The following DOCK10 variants were observed in gnomAD, a reference collection of about 807,000 sequenced individuals.
The protein encoded by DOCK10 is dedicator of cytokinesis 10.
A neutral mutation model predicts 280.1 loss-of-function variants in DOCK10; 145 were observed. That is an observed-to-expected ratio of 0.52 (90% confidence interval 0.45 to 0.59). DOCK10 has a LOEUF of 0.59. Ranked by LOEUF, DOCK10 falls within the 20% of genes least tolerant of loss-of-function variation. The probability of loss-of-function intolerance (pLI) is 0.00; values close to 1 mark genes in which losing one functional copy is unlikely to be tolerated. For missense variants in DOCK10, 2,368 were observed against 2,651.7 expected (o/e 0.89, Z 2.35); for synonymous variants, 915 against 942.2 (o/e 0.97, Z 0.53).
At chr2:224,967,057 G>A (rs1704791171) in intron 1 of DOCK10, among the ~76,000 whole-genome samples, 1 of 151,504 alleles carries the variant, frequency 6.6e-6, no homozygotes, top group African/African-American at 2.4e-5. Flanking sequence ...GGACCAAATG[G>A]ATAAAGTTCA....
chr2:224,863,003 T>A (rs1354163183), intron 13 of DOCK10, among the ~76,000 whole-genome samples: 1 of 152,218 alleles, frequency 6.6e-6, no homozygotes, highest in African/African-American at 2.4e-5. Flanking sequence ...ATCAACTTTT[T>A]TCCTTTTTTT....
intron 1 of DOCK10, among the ~76,000 whole-genome samples, chr2:224,956,098 A>G (rs766684515): frequency 6.6e-6 from 1 of 152,254 alleles, no homozygotes; most frequent in Non-Finnish European, 1.5e-5. Context: ...AAAACAAAGG[A>G]GAACATTGTG....
intron 3 of DOCK10, among the ~76,000 whole-genome samples, chr2:224,902,771 G>T (rs919542943): frequency 6.6e-6 from 1 of 151,486 alleles, no homozygotes; most frequent in African/African-American, 2.4e-5. Flanking sequence ...ATTAGTTTCT[G>T]CAGTATACAA....
chr2:224,960,394 A>G (rs1380192071), intron 1 of DOCK10, among the ~76,000 whole-genome samples: 1 of 152,194 alleles, frequency 6.6e-6, no homozygotes. Context: ...ACATTGTGCT[A>G]AGTATTCAGG....
chr2:224,950,951 C>G (rs911976777), intron 1 of DOCK10, among the ~76,000 whole-genome samples: 3 of 152,130 alleles, frequency 2.0e-5, no homozygotes, highest in Non-Finnish European at 4.4e-5. Context: ...ATGTCCTGGA[C>G]AGGTGAGGTT....
chr2:224,960,888 C>T lies in DOCK10; in HGVS notation c.124-29220G>A, dbSNP rs181182101. ...CCGTGTAGCTGGGACTACAGGCGCG[C>T]GCCACCGCGCCCGGCTAATTTTTGT... On this transcript the variant is annotated intron_variant, in intron 1 of 55. Coordinates refer to ENST00000258390, the MANE Select transcript of DOCK10 (RefSeq NM_014689.3). Among the ~76,000 whole-genome samples the T allele has an allele frequency of 4.1e-3, 619 of 151,796 alleles. 2 individuals are homozygous for T. The highest frequency in any genetic ancestry group is 5.9e-3 in the Non-Finnish European group (401 of 67,880).
At chr2:224,768,818 G>T (rs2124931443) in intron 55 of DOCK10, 1 of 445,746 alleles carries the variant, frequency 2.2e-6, no homozygotes, top group South Asian at 1.6e-5. Flanking sequence ...GGAAGAGAGG[G>T]GTACACCAGA....
In DOCK10 at chr2:225,042,318, C is replaced by T; in HGVS notation, c.57G>A (p.Ala19=). 1 of 1,355,162 alleles carries T rather than the reference C, an allele frequency of 7.4e-7. No individual in the cohort carries two copies. Among genetic ancestry groups the T allele is most frequent in the Non-Finnish European group, 9.5e-7 (1 of 1,050,190 alleles). 83.9% of individuals were successfully genotyped at this position (1,355,162 alleles called of 1,614,324 possible). A position where few individuals can be genotyped will look rare whatever the true frequency, so the allele number is the denominator to read the frequency against. ...ACGCGGCGCTGTGCCGGAGCTCGGC[C>T]GCCTGCCCAGGTCTCAACAGGCTCC... The part of the protein sequence containing the change: ...FTRSLLRPGQ[A]AELRHSAASA... Residue 19 remains alanine, a synonymous_variant, in exon 1 of 56, where the codon GCG becomes GCA. Transcript: ENST00000258390. This position sits in a 1 kb window ranked among gnomAD's most constrained non-coding sequence, Gnocchi z 5.1.
At position 225,042,256 on chromosome 2, in the gene DOCK10, T is replaced by G; in HGVS notation, c.119A>C (p.Gln40Pro). 2.3e-6 allele frequency: 3 copies of G among 1,302,396 alleles called. No individual in the cohort carries two copies. Among genetic ancestry groups the G allele is most frequent in the South Asian group, 2.3e-5 (1 of 43,954 alleles). 80.7% of individuals were successfully genotyped at this position (1,302,396 alleles called of 1,614,324 possible). ...AAVAVSSRQQ[Q>P]RQEKPRLLEP... ...CGGAGGACGCGCCGCACTCACCCGC[T>G]GCTGCTGCCGGCTGCTGACTGCCAC... Residue 40 changes from glutamine (Q) to proline (P), a missense_variant, in exon 1 of 56, where the codon CAG (glutamine) becomes CCG (proline). Coordinates refer to ENST00000258390, the MANE Select transcript of DOCK10 (RefSeq NM_014689.3). This position sits in a 1 kb window ranked among gnomAD's most constrained non-coding sequence, Gnocchi z 5.1.
intron 47 of DOCK10, among the ~76,000 whole-genome samples, chr2:224,789,713 C>A (rs1257179243): frequency 6.6e-6 from 1 of 151,670 alleles, no homozygotes; most frequent in Non-Finnish European, 1.5e-5. Flanking sequence ...GTACTCCAGC[C>A]TGGGTGACGG....
At chr2:224,884,078 C>T (rs1486815077) in intron 7 of DOCK10, among the ~76,000 whole-genome samples, 4 of 152,180 alleles carry the variant, frequency 2.6e-5, no homozygotes, top group Non-Finnish European at 5.9e-5. Flanking sequence ...AGCCTCCACC[C>T]TCCATTAAGG....
Position 224,819,428 on chromosome 2 carries a change from C to T in DOCK10, c.3267+18G>A. 6.5e-7 allele frequency: 1 copy of T among 1,531,174 alleles called. No homozygotes were observed. 94.8% of individuals were successfully genotyped at this position (1,531,174 alleles called of 1,614,324 possible). A position where few individuals can be genotyped will look rare whatever the true frequency, so the allele number is the denominator to read the frequency against. On this transcript the variant is annotated intron_variant, in intron 29 of 55. Coordinates refer to ENST00000258390, the MANE Select transcript of DOCK10 (RefSeq NM_014689.3). ...TGCCATAGTTTAGAAAACAATCACT[C>T]CTGTACGTGGTTCTTACCTTAAGGT...
intron 1 of DOCK10, among the ~76,000 whole-genome samples, chr2:225,005,760 G>A (rs900215182): frequency 3.3e-5 from 5 of 152,200 alleles, no homozygotes; most frequent in East Asian, 1.9e-4. Flanking sequence ...TTAGGCAAGC[G>A]TTATGGACAA....
chr2:225,009,638 CA>C (rs10639609), intron 1 of DOCK10, among the ~76,000 whole-genome samples: 74 of 135,532 alleles, frequency 5.5e-4, no homozygotes, highest in Admixed American at 1.0e-3. Flanking sequence ...AGCCCTAAGG[CA>C]AAAAAAAAAA....
intron 50 of DOCK10, among the ~76,000 whole-genome samples, chr2:224,781,366 T>A (rs749735596): frequency 2.0e-5 from 3 of 152,200 alleles, no homozygotes; most frequent in Non-Finnish European, 4.4e-5. Context: ...AGGAGCAGAA[T>A]AAACCATTTA....
intron 4 of DOCK10, among the ~76,000 whole-genome samples, chr2:224,894,429 C>T (rs916535670): frequency 6.6e-6 from 1 of 152,166 alleles, no homozygotes; most frequent in Non-Finnish European, 1.5e-5. Context: ...TGGCTAAATA[C>T]GGCTGTCTCC....
At chr2:224,768,897 A>C (rs1186056218) in intron 55 of DOCK10, 1 of 456,636 alleles carries the variant, frequency 2.2e-6, no homozygotes, top group Non-Finnish European at 4.4e-6. Context: ...TACTGAGGGA[A>C]ATACTAGACA....
chr2:224,882,207 A>G lies in DOCK10; in HGVS notation c.747+3464T>C, dbSNP rs527371789. The stretch of plus-strand genomic sequence containing the variant: ...GAATGAATGGATGGATAGATGAATG[A>G]ATGTGAGAATGAATGAATGAATACA... On this transcript the variant is annotated intron_variant, in intron 7 of 55. Transcript: ENST00000258390. Among the ~76,000 whole-genome samples, 6 of 152,308 alleles carry G rather than the reference A, an allele frequency of 3.9e-5. No homozygotes were observed. In the South Asian group the frequency reaches 1.2e-3, roughly 32 times the overall value.
chr2:224,805,558 G>T lies in DOCK10; in HGVS notation c.3815-29C>A. ...TAAACACAAGCCACAGCACACGTAT[G>T]GGAATGAGATGTATGGGCACACACA... On this transcript the variant is annotated intron_variant, in intron 34 of 55. Transcript: ENST00000258390. This position sits in a 1 kb window ranked among gnomAD's most constrained non-coding sequence, Gnocchi z 4.3. 1 of 1,610,502 alleles carries T rather than the reference G, an allele frequency of 6.2e-7. No homozygotes were observed. Among genetic ancestry groups the T allele is most frequent in the South Asian group, 1.1e-5 (1 of 90,664 alleles).
Sources: gnomAD v4.1 joint callset for allele counts (sites outside exome capture counted in the v4.1 genomes callset) on GRCh38, gnomAD v4.1.1 for gene constraint, Gnocchi (gnomAD v3.1) non-coding constraint, MANE v1.5 for transcripts, NCBI Gene and HGNC (gene_info 2026-07-23, HGNC 2026-07-21) for gene names.